PLCXD3: variants seen among roughly 807,000 people sequenced by gnomAD.
PLCXD3 encodes the protein phosphatidylinositol specific phospholipase C X domain containing 3.
PLCXD3 carries 19 observed loss-of-function variants against 25.5 expected under a neutral mutation model. That is an observed-to-expected ratio of 0.75 (90% CI 0.52 to 1.09). The LOEUF is 1.09. Among genes scored for constraint, PLCXD3 ranks in the 50% least tolerant of loss-of-function variants. The pLI is 0.00. For synonymous variants in PLCXD3, 174 were observed against 137.6 expected (o/e 1.26, Z -1.85); for missense variants, 411 against 388.1 (o/e 1.06, Z -0.50).
At chr5:41,323,030 A>G (rs1743521704) in intron 2 of PLCXD3, among the ~76,000 whole-genome samples, 1 of 152,160 alleles carries the variant, frequency 6.6e-6, no homozygotes, top group African/African-American at 2.4e-5. Flanking sequence ...ATGGAGTACT[A>G]TACAGCCATA....
intron 1 of PLCXD3, among the ~76,000 whole-genome samples, chr5:41,396,266 G>C (rs1470236759): frequency 6.6e-6 from 1 of 152,114 alleles, no homozygotes; most frequent in Non-Finnish European, 1.5e-5. Context: ...TCTCATGGTA[G>C]TGTGCAAGTT....
intron 1 of PLCXD3, among the ~76,000 whole-genome samples, chr5:41,451,988 A>G (rs142106857): frequency 9.9e-5 from 15 of 152,136 alleles, no homozygotes; most frequent in African/African-American, 3.1e-4. Context: ...TGATTGCCAT[A>G]CTTTCAGCTA....
chr5:41,365,994 C>T (rs2150486859), intron 2 of PLCXD3, among the ~76,000 whole-genome samples: 2 of 151,586 alleles, frequency 1.3e-5, no homozygotes, highest in Middle Eastern at 3.4e-3. Flanking sequence ...GCACAACGTG[C>T]AGGTTTGTTA....
intron 1 of PLCXD3, among the ~76,000 whole-genome samples, chr5:41,422,933 G>C (rs982566551): frequency 2.6e-5 from 4 of 151,868 alleles, no homozygotes; most frequent in Admixed American, 2.6e-4. Context: ...TACTAGGTTA[G>C]GTAGTTGATA....
At chr5:41,394,662 G>A (rs892540294) in intron 1 of PLCXD3, among the ~76,000 whole-genome samples, 1 of 151,962 alleles carries the variant, frequency 6.6e-6, no homozygotes, top group Non-Finnish European at 1.5e-5. Context: ...AACAGGAATA[G>A]CTATACTTAT....
At chr5:41,490,463 G>T (rs975533597) in intron 1 of PLCXD3, among the ~76,000 whole-genome samples, 3 of 152,138 alleles carry the variant, frequency 2.0e-5, no homozygotes, top group African/African-American at 7.2e-5. Flanking sequence ...ATGAGTTAGG[G>T]AGGATTCCCT....
intron 1 of PLCXD3, among the ~76,000 whole-genome samples, chr5:41,391,294 CA>C (rs1285169724): frequency 6.6e-6 from 1 of 152,122 alleles, no homozygotes; most frequent in Non-Finnish European, 1.5e-5. Context: ...CTTGAGGCTC[CA>C]AAAGAGACCC....
At chr5:41,451,047 A>G (rs757559951) in intron 1 of PLCXD3, among the ~76,000 whole-genome samples, 20 of 152,110 alleles carry the variant, frequency 1.3e-4, no homozygotes, top group Non-Finnish European at 2.1e-4. Flanking sequence ...TCTCCAAGCC[A>G]GGAGCAGTTT....
chr5:41,315,955 T>A (rs992665595), intron 2 of PLCXD3, among the ~76,000 whole-genome samples: 1 of 152,150 alleles, frequency 6.6e-6, no homozygotes, highest in African/African-American at 2.4e-5. Flanking sequence ...TGTCTCCAAG[T>A]AAATTTGAAA....
intron 1 of PLCXD3, among the ~76,000 whole-genome samples, chr5:41,502,229 A>T (rs1748966238): frequency 6.6e-6 from 1 of 152,162 alleles, no homozygotes; most frequent in Non-Finnish European, 1.5e-5. Context: ...AATCCAAAGT[A>T]TAAGAAATAG....
intron 1 of PLCXD3, among the ~76,000 whole-genome samples, chr5:41,405,738 A>G (rs545510363): frequency 1.3e-5 from 2 of 152,126 alleles, no homozygotes; most frequent in South Asian, 2.1e-4. Context: ...TTTTTTACCA[A>G]TTAGGCAATC....
At chr5:41,458,524 T>C (rs1747805305) in intron 1 of PLCXD3, among the ~76,000 whole-genome samples, 1 of 152,002 alleles carries the variant, frequency 6.6e-6, no homozygotes, top group South Asian at 2.1e-4. Context: ...ATTATTTTCA[T>C]TCAATAAATG....
At chr5:41,377,009 T>C (rs1745315876) in intron 2 of PLCXD3, among the ~76,000 whole-genome samples, 1 of 152,116 alleles carries the variant, frequency 6.6e-6, no homozygotes, top group South Asian at 2.1e-4. Flanking sequence ...CATGATGTAA[T>C]GGTTATAAGA....
At chr5:41,411,586 A>G (rs1746520825) in intron 1 of PLCXD3, among the ~76,000 whole-genome samples, 1 of 152,104 alleles carries the variant, frequency 6.6e-6, no homozygotes, top group Non-Finnish European at 1.5e-5. Context: ...GTTTCTAAAA[A>G]CTAGAATGTA....
chr5:41,389,039 A>G (rs575074599), intron 1 of PLCXD3, among the ~76,000 whole-genome samples: 87 of 152,080 alleles, frequency 5.7e-4, no homozygotes, highest in Non-Finnish European at 1.1e-3. Context: ...TACTTCTATC[A>G]CAGTTACTTG....
intron 2 of PLCXD3, among the ~76,000 whole-genome samples, chr5:41,367,220 C>T (rs1408489072): frequency 1.3e-5 from 2 of 151,988 alleles, no homozygotes; most frequent in Non-Finnish European, 2.9e-5. Flanking sequence ...GACACATTGT[C>T]TTCCACAATG....
intron 1 of PLCXD3, among the ~76,000 whole-genome samples, chr5:41,474,465 T>C (rs1748236732): frequency 6.6e-6 from 1 of 152,198 alleles, no homozygotes; most frequent in Non-Finnish European, 1.5e-5. Flanking sequence ...CCTCATTCTT[T>C]CAGCCTCTAA....
chr5:41,440,215 A>ATTTTTGTTTTT (rs1747350266), intron 1 of PLCXD3, among the ~76,000 whole-genome samples: 1 of 41,062 alleles, frequency 2.4e-5, no homozygotes, highest in African/African-American at 1.0e-4. Flanking sequence ...TAATCTCTCA[A>ATTTTTGTTTTT]TTTTTTTTTT....
chr5:41,380,624 T>C (rs1430132288), intron 2 of PLCXD3, among the ~76,000 whole-genome samples: 1 of 152,160 alleles, frequency 6.6e-6, no homozygotes, highest in Non-Finnish European at 1.5e-5. Context: ...CTATATGCTA[T>C]GCCACAAGGT....
Sources: gnomAD v4.1 joint callset for allele counts (sites outside exome capture counted in the v4.1 genomes callset) on GRCh38, gnomAD v4.1.1 for gene constraint, MANE v1.5 for transcripts, NCBI Gene and HGNC (gene_info 2026-07-23, HGNC 2026-07-21) for gene names.